GFRA1: variants seen among roughly 807,000 people sequenced by gnomAD.
The protein encoded by GFRA1 is GDNF family receptor alpha-1.
A neutral mutation model predicts 51.6 loss-of-function variants in GFRA1; 16 were observed. That is an observed-to-expected ratio of 0.31 (90% CI 0.21 to 0.47). GFRA1 has a LOEUF of 0.47. Among genes scored for constraint, GFRA1 ranks in the 20% least tolerant of loss-of-function variants. The pLI is 1.00. For missense variants in GFRA1, 530 were observed against 594.3 expected, an observed-to-expected ratio of 0.89 and a Z score of 1.13; for synonymous variants, 270 against 241.3, an observed-to-expected ratio of 1.12 and a Z score of -1.10.
intron 9 of GFRA1, among the ~76,000 whole-genome samples, chr10:116,075,491 G>A (rs1389039379): frequency 6.6e-6 from 1 of 152,006 alleles, no homozygotes; most frequent in African/African-American, 2.4e-5. Context: ...AACACTCCTG[G>A]GCAGTAGCAT....
chr10:116,134,385 C>T (rs1958231251), intron 5 of GFRA1, among the ~76,000 whole-genome samples: 1 of 152,188 alleles, frequency 6.6e-6, no homozygotes, highest in Non-Finnish European at 1.5e-5. Flanking sequence ...GCCAAATCTT[C>T]ACAGGTGTAG....
intron 8 of GFRA1, among the ~76,000 whole-genome samples, chr10:116,093,006 TC>T (rs1352566790): frequency 1.3e-5 from 2 of 152,184 alleles, no homozygotes; most frequent in Non-Finnish European, 2.9e-5. Flanking sequence ...TCTATCCCTG[TC>T]CCTTTGGGAA....
At chr10:116,207,869 G>A (rs900553169) in intron 5 of GFRA1, among the ~76,000 whole-genome samples, 3 of 152,058 alleles carry the variant, frequency 2.0e-5, no homozygotes, top group African/African-American at 7.2e-5. Flanking sequence ...CTCACTGCCC[G>A]AGACAGCAGA....
intron 5 of GFRA1, among the ~76,000 whole-genome samples, chr10:116,193,865 G>A (rs1162536692): frequency 6.6e-6 from 1 of 151,734 alleles, no homozygotes; most frequent in Non-Finnish European, 1.5e-5. Flanking sequence ...AGACCATCCT[G>A]GCTCTCTAAA....
At chr10:116,130,828 T>G (rs1958075536) in intron 5 of GFRA1, among the ~76,000 whole-genome samples, 1 of 152,120 alleles carries the variant, frequency 6.6e-6, no homozygotes, top group Non-Finnish European at 1.5e-5. Flanking sequence ...CATAAAGCTT[T>G]TAGAAGAAAC....
At chr10:116,151,016 T>TC (rs529048597) in intron 5 of GFRA1, among the ~76,000 whole-genome samples, 37 of 152,188 alleles carry the variant, frequency 2.4e-4, no homozygotes, top group African/African-American at 8.9e-4. Flanking sequence ...TTTTTTTTTT[T>TC]CTAAACGGGA....
intron 6 of GFRA1, among the ~76,000 whole-genome samples, chr10:116,113,723 C>T (rs923097979): frequency 5.3e-5 from 8 of 152,100 alleles, no homozygotes; most frequent in Admixed American, 2.6e-4. Flanking sequence ...AGGGGCTGCA[C>T]CTGCTGCATA....
Position 116,065,613 on chromosome 10 carries a change from T to G in GFRA1, c.1211A>C (p.Lys404Thr). ...GTGTGTATTGCCCGACACATTGGAT[T>G]TCAGCTTCTGTGCCTGGAGAGGGAC... ...PCANLQAQKL[K>T]SNVSGNTHLC... The change falls in exon 10 of 11, where the codon AAA becomes ACA. Residue 404 changes from lysine (K) to threonine (T), a missense_variant. Coordinates refer to ENST00000355422, the MANE Select transcript of GFRA1 (RefSeq NM_005264.8). 6.2e-7 allele frequency: 1 copy of G among 1,613,502 alleles called. No homozygotes were observed. Among genetic ancestry groups the G allele is most frequent in the Non-Finnish European group, 8.5e-7 (1 of 1,179,578 alleles).
At chr10:116,262,479 T>G (rs1365109534) in intron 4 of GFRA1, among the ~76,000 whole-genome samples, 1 of 122,212 alleles carries the variant, frequency 8.2e-6, no homozygotes, top group Non-Finnish European at 1.7e-5. Flanking sequence ...AGAGTAGATG[T>G]AGATTATGAC....
At chr10:116,088,747 C>T (rs12256361) in intron 9 of GFRA1, among the ~76,000 whole-genome samples, 31,993 of 151,556 alleles carry the variant, frequency 0.21, 4,320 homozygotes, top group East Asian at 0.51. Flanking sequence ...GGTGAAACCA[C>T]GTCTCTACCA....
At chr10:116,192,370 A>G (rs1353807288) in intron 5 of GFRA1, among the ~76,000 whole-genome samples, 2 of 152,162 alleles carry the variant, frequency 1.3e-5, no homozygotes, top group East Asian at 3.9e-4. Flanking sequence ...GGGGAACCTC[A>G]GGTGTCAGGG....
intron 5 of GFRA1, among the ~76,000 whole-genome samples, chr10:116,144,982 C>G (rs71475172): frequency 6.6e-6 from 1 of 151,472 alleles, no homozygotes; most frequent in African/African-American, 2.4e-5. Context: ...AACCCCATCT[C>G]TACTAAAAAT....
intron 4 of GFRA1, among the ~76,000 whole-genome samples, chr10:116,229,592 T>C (rs1397171868): frequency 6.6e-6 from 1 of 152,144 alleles, no homozygotes; most frequent in Non-Finnish European, 1.5e-5. Context: ...CCACCCCTCC[T>C]TAGGAGCTGC....
intron 4 of GFRA1, among the ~76,000 whole-genome samples, chr10:116,232,617 CATAG>C (rs375072861): frequency 3.3e-5 from 5 of 152,252 alleles, no homozygotes; most frequent in African/African-American, 1.2e-4. Context: ...CCACATTCGG[CATAG>C]ATAGAGAGAA....
chr10:116,269,928 G>A (rs750488635), intron 3 of GFRA1, among the ~76,000 whole-genome samples: 43 of 152,110 alleles, frequency 2.8e-4, no homozygotes, highest in Non-Finnish European at 2.5e-4. Context: ...TGGAAGAAAG[G>A]TGACCCAGGA....
At chr10:116,246,125 A>G (rs1360558737) in intron 4 of GFRA1, among the ~76,000 whole-genome samples, 1 of 152,208 alleles carries the variant, frequency 6.6e-6, no homozygotes, top group African/African-American at 2.4e-5. Context: ...TAACAAATGC[A>G]CCACACTAAA....
chr10:116,077,022 T>C (rs1453902388), intron 9 of GFRA1, among the ~76,000 whole-genome samples: 3 of 152,300 alleles, frequency 2.0e-5, no homozygotes, highest in Middle Eastern at 3.4e-3. Context: ...CTTTATAGAA[T>C]AGTAAACTAT....
chr10:116,144,081 C>A (rs1411098583), intron 5 of GFRA1, among the ~76,000 whole-genome samples: 1 of 152,098 alleles, frequency 6.6e-6, no homozygotes, highest in Non-Finnish European at 1.5e-5. Context: ...GTGAGTTGGT[C>A]TGAGGTGAGA....
chr10:116,122,970 C>A (rs1957707992), intron 6 of GFRA1, among the ~76,000 whole-genome samples: 1 of 152,202 alleles, frequency 6.6e-6, no homozygotes, highest in Admixed American at 6.5e-5. Flanking sequence ...GAAATCCAGT[C>A]CTACTCCCAG....
Sources: gnomAD v4.1 joint callset for allele counts (sites outside exome capture counted in the v4.1 genomes callset) on GRCh38, gnomAD v4.1.1 for gene constraint, MANE v1.5 for transcripts, NCBI Gene and HGNC (gene_info 2026-07-23, HGNC 2026-07-21) for gene names.